UGCG: variants seen among roughly 807,000 people sequenced by gnomAD.
UGCG encodes ceramide glucosyltransferase.
Under a neutral mutation model 49.5 loss-of-function variants are expected in UGCG, and 10 were observed. That is an observed-to-expected ratio of 0.20 (90% CI 0.12 to 0.34). The LOEUF is 0.34. UGCG is among the 10% of genes least tolerant of loss of function. The pLI is 1.00. For synonymous variants in UGCG, 182 were observed against 158.2 expected (o/e 1.15, Z -1.13); for missense variants, 312 against 483.7 (o/e 0.65, Z 3.33).
chr9:111,908,430 G>A (rs1031560802), intron 1 of UGCG, among the ~76,000 whole-genome samples: 46 of 152,228 alleles, frequency 3.0e-4, no homozygotes, highest in African/African-American at 8.9e-4. Flanking sequence ...AGCATAGTAC[G>A]TGGAAGGAGA....
In UGCG at chr9:111,933,832, C is replaced by T. The variant is rs1414954090; in HGVS notation, c.*835C>T. 6 of 152,132 alleles carry T rather than the reference C, an allele frequency of 3.9e-5. No individual in the cohort carries two copies. The highest frequency in any genetic ancestry group is 2.1e-4 in the South Asian group (1 of 4,824). 9.4% of individuals were successfully genotyped at this position (152,132 alleles called of 1,614,324 possible). On this transcript the variant is annotated 3_prime_UTR_variant, in exon 9 of 9. Transcript: ENST00000374279. Reference sequence around the variant, plus strand: ...TCCTTGCTCCTCCCCCAGCCCACCCCGTCTTCCCTTAACATTTTTTCAGGG... The same window carrying T: ...TCCTTGCTCCTCCCCCAGCCCACCCTGTCTTCCCTTAACATTTTTTCAGGG...
At chr9:111,905,913 T>C (rs11789159) in intron 1 of UGCG, among the ~76,000 whole-genome samples, 40,860 of 152,216 alleles carry the variant, frequency 0.27, 5,800 homozygotes, top group Middle Eastern at 0.32. Context: ...TGTATCTGTT[T>C]ATTTATTTAC....
intron 4 of UGCG, among the ~76,000 whole-genome samples, chr9:111,926,067 G>A (rs1444484531): frequency 6.6e-6 from 1 of 152,164 alleles, no homozygotes; most frequent in Non-Finnish European, 1.5e-5. Context: ...TTTCCACTAG[G>A]ACAGATTGTC....
intron 4 of UGCG, among the ~76,000 whole-genome samples, chr9:111,925,485 G>A (rs1209006630): frequency 6.6e-6 from 1 of 152,228 alleles, no homozygotes; most frequent in African/African-American, 2.4e-5. Flanking sequence ...CTTGTAGGAT[G>A]TTTAGCAGCA....
chr9:111,919,849 T>C (rs1838188860), intron 2 of UGCG, among the ~76,000 whole-genome samples: 1 of 152,100 alleles, frequency 6.6e-6, no homozygotes, highest in Admixed American at 6.6e-5. Flanking sequence ...AGGAACTCTT[T>C]AGAGCAAGCC....
At position 111,926,428 on chromosome 9, in the gene UGCG, A is replaced by G; in HGVS notation, c.490A>G (p.Lys164Glu). The change falls in exon 5 of 9, where the codon AAA becomes GAA. Residue 164 changes from lysine (K) to glutamate (E), a missense_variant. Transcript: ENST00000374279. ...LTDMVNQMTEKVGLVHGLPYV... is the reference protein window; with the variant it reads ...LTDMVNQMTEEVGLVHGLPYV... The stretch of plus-strand genomic sequence containing the variant: ...TGACATGGTGAATCAAATGACAGAA[A>G]AAGTAGGCTTGGTTCACGGGCTGCC... 1 of 1,611,226 alleles carries G rather than the reference A, an allele frequency of 6.2e-7. No individual in the cohort carries two copies. The highest frequency in any genetic ancestry group is 8.5e-7 in the Non-Finnish European group (1 of 1,178,084).
chr9:111,926,301 C>G (rs1838310997), intron 4 of UGCG, 83 bp from the exon 5 acceptor site: 1 of 792,398 alleles, frequency 1.3e-6, no homozygotes, highest in Non-Finnish European at 2.0e-6. Context: ...TAACAATTCA[C>G]AAAATATATT....
At chr9:111,922,091 G>A (rs1194825947) in intron 2 of UGCG, among the ~76,000 whole-genome samples, 2 of 151,418 alleles carry the variant, frequency 1.3e-5, no homozygotes, top group Non-Finnish European at 2.9e-5. Context: ...GGGATTACAG[G>A]CATGAGCCAC....
At chr9:111,924,521 A>G (rs1325275484) in intron 3 of UGCG, among the ~76,000 whole-genome samples, 3 of 152,162 alleles carry the variant, frequency 2.0e-5, no homozygotes. Flanking sequence ...CTCATACTTA[A>G]CTACTAAGGC....
At position 111,934,640 on chromosome 9, in the gene UGCG, T is replaced by G. The variant is rs2118616424; in HGVS notation, c.*1643T>G. 1 of 152,366 alleles carries G rather than the reference T, an allele frequency of 6.6e-6. No individual in the cohort carries two copies. Among genetic ancestry groups the G allele is most frequent in the South Asian group, 2.1e-4 (1 of 4,834 alleles). 9.4% of individuals were successfully genotyped at this position (152,366 alleles called of 1,614,324 possible). ...TTGTCAAATGTCTATATCCATGGTT[T>G]AAATGGCAACATATCTATAAGTATG... On this transcript the variant is annotated 3_prime_UTR_variant, in exon 9 of 9. Transcript: ENST00000374279.
At position 111,934,311 on chromosome 9, in the gene UGCG, G is replaced by A. The variant is rs1267161901; in HGVS notation, c.*1314G>A. ...CCGCTAAACTTGCTCGCCAGGTTGTGCTTAACTTGTGGTGAACTGGACTTG... is the reference window on the plus strand; with the variant it reads ...CCGCTAAACTTGCTCGCCAGGTTGTACTTAACTTGTGGTGAACTGGACTTG... On this transcript the variant is annotated 3_prime_UTR_variant, in exon 9 of 9. Transcript: ENST00000374279. 6.6e-6 allele frequency: 1 copy of A among 151,756 alleles called. No homozygotes were observed. The highest frequency in any genetic ancestry group is 2.4e-5 in the African/African-American group (1 of 41,280). 9.4% of individuals were successfully genotyped at this position (151,756 alleles called of 1,614,324 possible).
At position 111,924,815 on chromosome 9, in the gene UGCG, T is replaced by G; in HGVS notation, c.382T>G (p.Leu128Val). ...KVGINPKINN[L>V]MPGYEVAKYD... ...TGGCATTAATCCTAAAATTAATAAT[T>G]TAATGCCAGGATATGAAGTTGCAAA... The change falls in exon 4 of 9, where the codon TTA becomes GTA. Residue 128 changes from leucine (L) to valine (V), a missense_variant. Around this residue, in one of 4 missense-constraint regions of UGCG, gnomAD observed 64 missense variants for 67.6 expected, o/e 0.95. Transcript: ENST00000374279. 2 of 1,545,492 alleles carry G rather than the reference T, an allele frequency of 1.3e-6. No homozygotes were observed. The highest frequency in any genetic ancestry group is 1.7e-6 in the Non-Finnish European group (2 of 1,152,714).
intron 7 of UGCG, 121 bp from the exon 8 acceptor site, chr9:111,932,049 A>G (rs1838435876): frequency 3.7e-6 from 4 of 1,095,634 alleles, no homozygotes; most frequent in Non-Finnish European, 3.9e-6. Context: ...AAACAAAAAA[A>G]GTTTAAAGAG....
chr9:111,910,048 G>C (rs137996390), intron 1 of UGCG, among the ~76,000 whole-genome samples: 1 of 152,174 alleles, frequency 6.6e-6, no homozygotes, highest in African/African-American at 2.4e-5. Context: ...GCTGTTGAGA[G>C]AGTCAGAATG....
At chr9:111,931,681 A>C (rs559240507) in intron 7 of UGCG, among the ~76,000 whole-genome samples, 27 of 152,348 alleles carry the variant, frequency 1.8e-4, no homozygotes, top group Non-Finnish European at 3.2e-4. Flanking sequence ...AAATGAATTT[A>C]AAGACATTTT....
At chr9:111,919,318 A>G (rs1838173635) in intron 2 of UGCG, among the ~76,000 whole-genome samples, 1 of 151,970 alleles carries the variant, frequency 6.6e-6, no homozygotes, top group South Asian at 2.1e-4. Flanking sequence ...CGTCGTCTGT[A>G]CTAAAAATAC....
chr9:111,898,863 T>A (rs1837714614), intron 1 of UGCG, among the ~76,000 whole-genome samples: 2 of 152,192 alleles, frequency 1.3e-5, no homozygotes, highest in Non-Finnish European at 2.9e-5. Context: ...TTATGATTAT[T>A]GTTCTGTAAC....
At chr9:111,924,359 G>T (rs1838280290) in intron 3 of UGCG, among the ~76,000 whole-genome samples, 1 of 152,056 alleles carries the variant, frequency 6.6e-6, no homozygotes, top group South Asian at 2.1e-4. Flanking sequence ...ATCTCTCTTA[G>T]CAGTTTTCAA....
intron 1 of UGCG, among the ~76,000 whole-genome samples, chr9:111,908,943 C>T (rs1837942728): frequency 1.3e-5 from 2 of 152,190 alleles, no homozygotes; most frequent in Admixed American, 6.5e-5. Context: ...CTCCCTCCCT[C>T]TCTCCCTCTC....
Sources: allele counts gnomAD v4.1 joint callset (sites outside exome capture counted in the v4.1 genomes callset), GRCh38; gene constraint gnomAD v4.1.1; regional missense constraint gnomAD v4.1.1; transcripts MANE v1.5; gene names NCBI Gene and HGNC (gene_info 2026-07-23, HGNC 2026-07-21).